Variants in ASPG observed in about 807,000 individuals in gnomAD.
The protein encoded by ASPG is asparaginase, also known as 60 kDa lysophospholipase.
Under a neutral mutation model 63.2 loss-of-function variants are expected in ASPG, and 53 were observed. That is an observed-to-expected ratio of 0.84 (90% CI 0.67 to 1.05). ASPG has a LOEUF of 1.05. ASPG is among the 50% of genes least tolerant of loss of function. The pLI is 0.00. For missense variants in ASPG, 741 were observed against 794.4 expected (o/e 0.93, Z 0.81); for synonymous variants, 370 against 355.0 (o/e 1.04, Z -0.48).
chr14:104,110,219 G>C lies in ASPG; in HGVS notation c.1520+904G>C. ...GGGTCTGTGCGCCTGTAAGTCCAGAGTCCCAGGCTTGGGGAGTGGGTGATG... is the reference window on the plus strand; with the variant it reads ...GGGTCTGTGCGCCTGTAAGTCCAGACTCCCAGGCTTGGGGAGTGGGTGATG... On this transcript the variant is annotated intron_variant, in intron 13 of 15. Coordinates refer to ENST00000551177, the MANE Select transcript of ASPG (RefSeq NM_001080464.3). This position sits in a 1 kb window ranked among gnomAD's most constrained non-coding sequence, Gnocchi z 4.7. The C allele has an allele frequency of 1.0e-6, 1 of 985,154 alleles. No homozygotes were observed. The highest frequency in any genetic ancestry group is 1.7e-5 in the African/African-American group (1 of 57,258). 61.0% of individuals were successfully genotyped at this position (985,154 alleles called of 1,614,324 possible). A position where few individuals can be genotyped will look rare whatever the true frequency, so the allele number is the denominator to read the frequency against.
Position 104,110,410 on chromosome 14 carries a change from C to A in ASPG, c.1521-1092C>A, listed in dbSNP as rs79086813. 1.1e-4 allele frequency: 113 copies of A among 985,328 alleles called. No individual in the cohort carries two copies. The African/African-American group carries it at 1.8e-3, about 16-fold the overall frequency. The allele number at this position is 985,328 out of a possible 1,614,324, so 61.0% of individuals were successfully genotyped here. ...GGTCAAGATTTGCACTCCAGACAGGCCTTGCTGGCTCCATTGACAGATGGG... is the reference window on the plus strand; with the variant it reads ...GGTCAAGATTTGCACTCCAGACAGGACTTGCTGGCTCCATTGACAGATGGG... On this transcript the variant is annotated intron_variant, in intron 13 of 15. Coordinates refer to ENST00000551177, the MANE Select transcript of ASPG (RefSeq NM_001080464.3). The surrounding 1 kb of genome is among the most constrained non-coding windows in gnomAD (Gnocchi z 4.7).
At chr14:104,097,893 G>A (rs201247313) in intron 5 of ASPG, among the ~76,000 whole-genome samples, 3 of 131,898 alleles carry the variant, frequency 2.3e-5, no homozygotes, top group African/African-American at 8.6e-5. Context: ...TGGAGGTTCT[G>A]CGTTAGAGAT....
In ASPG at chr14:104,092,702, C is replaced by A. The variant is rs1392338254; in HGVS notation, c.152C>A (p.Ala51Asp). 1.0e-5 allele frequency: 16 copies of A among 1,537,494 alleles called. No individual in the cohort carries two copies. The highest frequency in any genetic ancestry group is 1.4e-5 in the Non-Finnish European group (16 of 1,147,424). ...CCCATGTTCCATGACGAGGAGCACG[C>A]CCGAGCCCGCGGCCTCTCTGAGGAC... ...TLPMFHDEEH[A>D]RARGLSEDTL... The change falls in exon 2 of 16, where the codon GCC becomes GAC. Residue 51 changes from alanine to aspartate, a missense_variant. Ala to Asp is a moderately radical substitution (Grantham distance 126, BLOSUM62 -2). Coordinates refer to ENST00000551177, the MANE Select transcript of ASPG (RefSeq NM_001080464.3).
In ASPG at chr14:104,111,566, C is replaced by T; in HGVS notation, c.1585C>T (p.Gln529Ter). 6.4e-7 allele frequency: 1 copy of T among 1,551,774 alleles called. No homozygotes were observed. Among genetic ancestry groups the T allele is most frequent in the Non-Finnish European group, 8.7e-7 (1 of 1,147,686 alleles). ...VWWQAGADLGQPGYDGHSALH... is the reference protein window; with the variant it reads ...VWWQAGADLG ...GTGGCAGGCAGGGGCTGACCTGGGG[C>T]AGCCGGGCTATGACGGGCACAGCGC... Residue 529 changes from glutamine to a stop codon, truncating the protein, a stop_gained, in exon 14 of 16, where the codon CAG becomes TAG. Coordinates refer to ENST00000551177, the MANE Select transcript of ASPG (RefSeq NM_001080464.3). LOFTEE classifies it high-confidence loss of function.
In ASPG at chr14:104,091,398, C is replaced by T. The variant is rs1318483794; in HGVS notation, c.83-1235C>T. On this transcript the variant is annotated intron_variant, in intron 1 of 15. Coordinates refer to ENST00000551177, the MANE Select transcript of ASPG (RefSeq NM_001080464.3). This position sits in a 1 kb window ranked among gnomAD's most constrained non-coding sequence, Gnocchi z 6.4. ...AGACAAACATGTGCGGGCTCCGCCTCCCCCGTCTGCTGGCTGAGCCCTACT... is the reference window on the plus strand; with the variant it reads ...AGACAAACATGTGCGGGCTCCGCCTTCCCCGTCTGCTGGCTGAGCCCTACT... Among the ~76,000 whole-genome samples, 2 of 152,152 alleles carry T rather than the reference C, an allele frequency of 1.3e-5. No individual in the cohort carries two copies. The highest frequency in any genetic ancestry group is 2.9e-5 in the Non-Finnish European group (2 of 68,028).
chr14:104,093,129 G>A (rs931520544), intron 2 of ASPG: 2 of 484,954 alleles, frequency 4.1e-6, no homozygotes. Context: ...CCCACAGCTG[G>A]GGGTGAGCTG....
intron 5 of ASPG, among the ~76,000 whole-genome samples, chr14:104,097,934 ATGGAGGTTCTGTGTTAGAGATGCG>A (rs2036679362): frequency 7.8e-6 from 1 of 127,596 alleles, no homozygotes; most frequent in African/African-American, 3.0e-5. Flanking sequence ...AGAGATGCGT[ATGGAGGTTCTGTGTTAGAGATGCG>A]TATGGAGGTT....
chr14:104,092,166 T>C (rs944651538), intron 1 of ASPG, among the ~76,000 whole-genome samples: 3 of 152,110 alleles, frequency 2.0e-5, no homozygotes, highest in Non-Finnish European at 4.4e-5. Context: ...CTGGGAGGGC[T>C]TCCTGGGGGT....
At chr14:104,111,058 C>T (rs954025522) in intron 13 of ASPG, 1 of 985,336 alleles carries the variant, frequency 1.0e-6, no homozygotes, top group African/African-American at 1.7e-5. Context: ...GCGGACCCCG[C>T]CCCGGGAAGA....
At chr14:104,107,067 G>T (rs187425131) in intron 11 of ASPG, 115 bp from the exon 12 acceptor site, 2 of 1,390,448 alleles carry the variant, frequency 1.4e-6, no homozygotes, top group African/African-American at 1.4e-5. Flanking sequence ...AGGCTTTGAG[G>T]GTGGGCGCAG....
chr14:104,112,671 G>C lies in ASPG; in HGVS notation c.*127G>C, dbSNP rs2037415741. 1 of 1,536,740 alleles carries C rather than the reference G, an allele frequency of 6.5e-7. No individual in the cohort carries two copies. Among genetic ancestry groups the C allele is most frequent in the Non-Finnish European group, 8.7e-7 (1 of 1,145,950 alleles). On this transcript the variant is annotated 3_prime_UTR_variant, in exon 16 of 16. Coordinates refer to ENST00000551177, the MANE Select transcript of ASPG (RefSeq NM_001080464.3). ...TCTCATGTAAAGCCTGAAGGCCTTT[G>C]TTGGGCAGGACGGCAATAAAGTCTC...
At chr14:104,090,033 C>T (rs2036323872) in intron 1 of ASPG, among the ~76,000 whole-genome samples, 1 of 151,642 alleles carries the variant, frequency 6.6e-6, no homozygotes, top group Admixed American at 6.6e-5. Context: ...TTTTGAACTC[C>T]TGGGCTCAAA....
At chr14:104,096,791 G>A (rs761499360) in intron 4 of ASPG, among the ~76,000 whole-genome samples, 7 of 152,186 alleles carry the variant, frequency 4.6e-5, no homozygotes, top group East Asian at 1.9e-4. Context: ...CACGTACCAC[G>A]TGAGGGCTGA....
chr14:104,103,163 C>G (rs1268779520), intron 6 of ASPG, among the ~76,000 whole-genome samples: 1 of 152,254 alleles, frequency 6.6e-6, no homozygotes, highest in African/African-American at 2.4e-5. Context: ...CTGCCCTCCT[C>G]GCCTCTGCGC....
intron 1 of ASPG, among the ~76,000 whole-genome samples, chr14:104,090,734 T>A (rs969980687): frequency 6.6e-6 from 1 of 152,238 alleles, no homozygotes. Context: ...AGAGGGCGTT[T>A]AGGGCCCACC....
chr14:104,112,544 A>T lies in ASPG; in HGVS notation c.1722A>T (p.Ter574TyrextTer37), dbSNP rs1174715995. Residue 574 changes from the stop codon to tyrosine, a stop_lost, in exon 16 of 16, where the codon TAA becomes TAT. Transcript: ENST00000551177. ...TTCAGGAAGTGCTGCCTGGTGTCTA[A>T]CCTGAAGGCGTCCTGCTGCAGTATA... ...APCPEVLPGV[*>Y] 6.3e-7 allele frequency: 1 copy of T among 1,584,172 alleles called. No individual in the cohort carries two copies. Among genetic ancestry groups the T allele is most frequent in the Non-Finnish European group, 8.7e-7 (1 of 1,153,658 alleles).
At chr14:104,108,623 C>T (rs1175738281) in intron 12 of ASPG, 1 of 985,326 alleles carries the variant, frequency 1.0e-6, no homozygotes, top group African/African-American at 1.7e-5. Flanking sequence ...TCACCCTGTA[C>T]AATGGGCTGT....
At chr14:104,112,492 G>A (rs1210024138) in intron 15 of ASPG, 32 bp from the exon 16 acceptor site, 1 of 1,190,364 alleles carries the variant, frequency 8.4e-7, no homozygotes, top group Non-Finnish European at 1.3e-6. Context: ...ACTCTACCTG[G>A]GTGTCCTTCT....
In ASPG at chr14:104,098,846, C is replaced by T; in HGVS notation, c.514-7C>T. 2 of 1,612,580 alleles carry T rather than the reference C, an allele frequency of 1.2e-6. No individual in the cohort carries two copies. The highest frequency in any genetic ancestry group is 8.5e-7 in the Non-Finnish European group (1 of 1,179,532). ...CTGCTCTGAACTCTGTCGCTCCGTTCCCGCAGGTCTGCCTTTTCTTCCAGA... is the reference window on the plus strand; with the variant it reads ...CTGCTCTGAACTCTGTCGCTCCGTTTCCGCAGGTCTGCCTTTTCTTCCAGA... On this transcript the variant is annotated splice_polypyrimidine_tract_variant and splice_region_variant and intron_variant, in intron 5 of 15. Coordinates refer to ENST00000551177, the MANE Select transcript of ASPG (RefSeq NM_001080464.3).
Sources: gnomAD v4.1 joint callset for allele counts (sites outside exome capture counted in the v4.1 genomes callset) on GRCh38, gnomAD v4.1.1 for gene constraint, Gnocchi (gnomAD v3.1) non-coding constraint, MANE v1.5 for transcripts, NCBI Gene and HGNC (gene_info 2026-07-23, HGNC 2026-07-21) for gene names.